Variants in SPRY3 observed in about 807,000 individuals in gnomAD.
SPRY3 encodes the protein sprouty RTK signaling antagonist 3.
In SPRY3, 15 loss-of-function variants were observed where a neutral mutation model predicts 20.2. The observed-to-expected ratio is 0.74, with a 90% confidence interval of 0.50 to 1.14. The LOEUF is 1.14. Ranked by LOEUF, SPRY3 falls within the 50% of genes most tolerant of loss-of-function variation. SPRY3 has a pLI of 0.00. For synonymous variants in SPRY3, 143 were observed against 136.5 expected (o/e 1.05, Z -0.33); for missense variants, 364 against 363.9 (o/e 1.00, Z 0.00).
intron 2 of SPRY3, among the ~76,000 whole-genome samples, chrX:155,687,912 A>G (rs750611354): frequency 3.6e-5 from 4 of 112,308 alleles, no homozygotes; most frequent in Non-Finnish European, 7.5e-5. Flanking sequence ...CATTAGGACA[A>G]ATACCTAATG....
chrX:155,627,098 A>G (rs2067890560), intron 1 of SPRY3, among the ~76,000 whole-genome samples: 1 of 111,804 alleles, frequency 8.9e-6, no homozygotes, highest in Non-Finnish European at 1.9e-5. Context: ...AGAATGCAAC[A>G]TCCAATCTCT....
intron 2 of SPRY3, among the ~76,000 whole-genome samples, chrX:155,658,235 G>T (rs781831376): frequency 2.7e-5 from 3 of 111,252 alleles, no homozygotes; most frequent in East Asian, 5.6e-4. Context: ...GGAAAATGAC[G>T]TTGGTAACTT....
chrX:155,776,820 T>G (rs1297575323), downstream of SPRY3: 1 of 167,106 alleles, frequency 6.0e-6, no homozygotes, highest in Non-Finnish European at 1.5e-5. Flanking sequence ...CACTTTTTGT[T>G]GGTTCTGAAT....
intron 2 of SPRY3, among the ~76,000 whole-genome samples, chrX:155,757,782 G>A (rs918250907): frequency 1.3e-5 from 2 of 152,146 alleles, no homozygotes; most frequent in African/African-American, 4.8e-5. Context: ...AGCCCTGCCT[G>A]AGAATCACAC....
intron 2 of SPRY3, among the ~76,000 whole-genome samples, chrX:155,676,448 T>C (rs782492945): frequency 9.0e-6 from 1 of 111,375 alleles, no homozygotes; most frequent in Non-Finnish European, 1.9e-5. Context: ...TCATATTTGC[T>C]GTTATGATTT....
chrX:155,729,568 T>C (rs2091120081), intron 2 of SPRY3, among the ~76,000 whole-genome samples: 1 of 151,932 alleles, frequency 6.6e-6, no homozygotes, highest in Non-Finnish European at 1.5e-5. Context: ...AAAGCACTAC[T>C]AAGAGTGAAG....
chrX:155,759,387 A>G (rs2091295515), intron 2 of SPRY3, among the ~76,000 whole-genome samples: 1 of 152,104 alleles, frequency 6.6e-6, no homozygotes, highest in African/African-American at 2.4e-5. Context: ...TTACTGCATT[A>G]GGTATATTTC....
chrX:155,719,197 G>A (rs2091040692), intron 2 of SPRY3, among the ~76,000 whole-genome samples: 1 of 152,068 alleles, frequency 6.6e-6, no homozygotes, highest in African/African-American at 2.4e-5. Context: ...ATTGAGTTTC[G>A]TGCTGTCCTG....
At chrX:155,662,682 C>CA (rs34216827) in intron 2 of SPRY3, among the ~76,000 whole-genome samples, 1,624 of 58,080 alleles carry the variant, frequency 0.028, 42 homozygotes, top group African/African-American at 0.044. Flanking sequence ...TGTAGTTTGG[C>CA]AAAAAAAAAA....
At chrX:155,737,793 G>A (rs2091178749) in intron 2 of SPRY3, among the ~76,000 whole-genome samples, 2 of 152,080 alleles carry the variant, frequency 1.3e-5, no homozygotes, top group Admixed American at 1.3e-4. Context: ...TTATCCTGAG[G>A]TAAGTGAGGA....
At chrX:155,731,520 A>C (rs1263342217) in intron 2 of SPRY3, among the ~76,000 whole-genome samples, 1 of 152,138 alleles carries the variant, frequency 6.6e-6, no homozygotes, top group Non-Finnish European at 1.5e-5. Flanking sequence ...AATTGATTAA[A>C]GACTTAAATC....
intron 2 of SPRY3, among the ~76,000 whole-genome samples, chrX:155,756,519 G>T (rs763004389): frequency 6.6e-6 from 1 of 152,226 alleles, no homozygotes; most frequent in Non-Finnish European, 1.5e-5. Context: ...TCCGATAGGT[G>T]TCATAGAGGT....
chrX:155,706,308 G>T (rs1405104599), intron 2 of SPRY3, among the ~76,000 whole-genome samples: 1 of 151,036 alleles, frequency 6.6e-6, no homozygotes. Flanking sequence ...AAAATATTTT[G>T]AACTGAATGA....
At chrX:155,712,132 G>A (rs755825109) in intron 2 of SPRY3, among the ~76,000 whole-genome samples, 6 of 151,992 alleles carry the variant, frequency 3.9e-5, no homozygotes, top group African/African-American at 1.2e-4. Flanking sequence ...CATTGTGAAT[G>A]ATTTATGTTT....
At chrX:155,753,326 A>G in intron 2 of SPRY3, among the ~76,000 whole-genome samples, 3 of 54 alleles carry the variant, frequency 0.056, no homozygotes, top group Middle Eastern at 0.5. Context: ...CTGGACATTC[A>G]CATAAATGAA....
At chrX:155,665,922 A>G (rs887891351) in intron 2 of SPRY3, among the ~76,000 whole-genome samples, 2 of 112,374 alleles carry the variant, frequency 1.8e-5, no homozygotes, top group Non-Finnish European at 3.8e-5. Context: ...ATATTTCATA[A>G]TTACAATTTT....
At position 155,648,818 on chromosome X, in the gene SPRY3, A is replaced by G. The variant is rs1223772413; in HGVS notation, c.-440-8049A>G. ...GAGACATGAAAAAGCCTTCAAAAAAATCAGTGAATCCAGGCGCTGGTTTTT... is the reference window on the plus strand; with the variant it reads ...GAGACATGAAAAAGCCTTCAAAAAAGTCAGTGAATCCAGGCGCTGGTTTTT... On this transcript the variant is annotated intron_variant, in intron 1 of 3. Coordinates refer to ENST00000675360, the Ensembl canonical transcript of SPRY3. 6.3e-5 allele frequency among the ~76,000 whole-genome samples: 7 copies of G among 111,871 alleles called. No individual in the cohort carries two copies. In the East Asian group the frequency reaches 2.0e-3, roughly 31 times the overall value.
chrX:155,773,309 TATATATATATATATATA>T (rs2091394358), intron 3 of SPRY3, among the ~76,000 whole-genome samples: 6 of 134,138 alleles, frequency 4.5e-5, no homozygotes, highest in Admixed American at 3.7e-4. Context: ...TTTGATTGGA[TATATATATATATATATA>T]TATATATATA....
intron 2 of SPRY3, among the ~76,000 whole-genome samples, chrX:155,707,900 T>C (rs9657872): frequency 1.1e-3 from 163 of 151,402 alleles, no homozygotes; most frequent in African/African-American, 3.8e-3. Context: ...GAGTATATTA[T>C]TTATTCATAT....
Sources: allele counts gnomAD v4.1 joint callset (sites outside exome capture counted in the v4.1 genomes callset), GRCh38; gene constraint gnomAD v4.1.1; transcripts MANE v1.5; gene names NCBI Gene and HGNC (gene_info 2026-07-23, HGNC 2026-07-21).